Variants in COL24A1 observed in about 807,000 individuals in gnomAD.
COL24A1 encodes the protein collagen alpha-1(XXIV) chain.
Under a neutral mutation model 253.9 loss-of-function variants are expected in COL24A1, and 224 were observed. The observed-to-expected ratio is 0.88, with a 90% confidence interval of 0.79 to 0.99. The LOEUF is 0.99. Ranked by LOEUF, COL24A1 falls within the 50% of genes least tolerant of loss-of-function variation. The pLI, the probability that COL24A1 is intolerant of heterozygous loss-of-function variation, is 0.00. For synonymous variants in COL24A1, 685 were observed against 673.7 expected (o/e 1.02, Z -0.26); for missense variants, 2,131 against 2,068.5 (o/e 1.03, Z -0.59).
chr1:85,760,327 A>G (rs2101090540), intron 55 of COL24A1, among the ~76,000 whole-genome samples: 1 of 152,228 alleles, frequency 6.6e-6, no homozygotes, highest in South Asian at 2.1e-4. Context: ...TTACAGGTAC[A>G]AGCCACCATG....
Position 86,017,213 on chromosome 1 carries a change from G to T in COL24A1, c.2257-9C>A, listed in dbSNP as rs749245436. 114 of 1,550,466 alleles carry T rather than the reference G, an allele frequency of 7.4e-5. No homozygotes were observed. The highest frequency in any genetic ancestry group is 9.6e-5 in the Non-Finnish European group (111 of 1,159,462). On this transcript the variant is annotated splice_polypyrimidine_tract_variant and intron_variant, in intron 18 of 59. Transcript: ENST00000370571. ...GGGTCACCTGTTTGGCCCTAAAATG[G>T]GGGGGGAGGATCAAAGTATAAACAT...
At chr1:86,141,815 C>T (rs1482830410) in intron 2 of COL24A1, among the ~76,000 whole-genome samples, 2 of 151,938 alleles carry the variant, frequency 1.3e-5, no homozygotes, top group African/African-American at 4.8e-5. Context: ...GTTCTTCTGC[C>T]TTAGCCTCCC....
At chr1:85,910,719 A>C (rs1416217119) in intron 25 of COL24A1, among the ~76,000 whole-genome samples, 2 of 151,986 alleles carry the variant, frequency 1.3e-5, no homozygotes, top group Non-Finnish European at 2.9e-5. Flanking sequence ...GAGTTAGAAG[A>C]GATATTTAAA....
At chr1:85,846,723 C>A (rs1050019216) in intron 39 of COL24A1, among the ~76,000 whole-genome samples, 1 of 151,776 alleles carries the variant, frequency 6.6e-6, no homozygotes, top group Non-Finnish European at 1.5e-5. Context: ...TTTGATGAAA[C>A]CTCTTGGGAA....
chr1:85,789,852 T>C (rs2101652317), intron 47 of COL24A1, among the ~76,000 whole-genome samples: 1 of 152,318 alleles, frequency 6.6e-6, no homozygotes, highest in East Asian at 1.9e-4. Flanking sequence ...ATGAATTACA[T>C]TTATTGATTT....
chr1:85,889,693 A>G, intron 31 of COL24A1, 80 bp from the exon 32 acceptor site: 2 of 1,235,754 alleles, frequency 1.6e-6, no homozygotes, highest in Non-Finnish European at 2.3e-6. Flanking sequence ...TAGCTTTCCT[A>G]TGGATCCTTC....
chr1:85,903,061 G>A (rs1004758327), intron 28 of COL24A1, among the ~76,000 whole-genome samples: 1 of 84,526 alleles, frequency 1.2e-5, no homozygotes, highest in African/African-American at 3.8e-5. Flanking sequence ...AAAAAAGAAT[G>A]CTTCCTTAAA....
At chr1:85,941,224 T>C (rs1226989113) in intron 24 of COL24A1, among the ~76,000 whole-genome samples, 1 of 152,196 alleles carries the variant, frequency 6.6e-6, no homozygotes, top group Non-Finnish European at 1.5e-5. Flanking sequence ...TAGTTCTATA[T>C]TTCTTCCATG....
intron 19 of COL24A1, among the ~76,000 whole-genome samples, chr1:85,993,111 C>T (rs961030138): frequency 2.6e-5 from 4 of 151,914 alleles, no homozygotes; most frequent in African/African-American, 9.7e-5. Flanking sequence ...AACCGAAGCA[C>T]TAGCAGATTC....
At chr1:85,937,133 G>C (rs960869941) in intron 24 of COL24A1, among the ~76,000 whole-genome samples, 1 of 147,672 alleles carries the variant, frequency 6.8e-6, no homozygotes, top group African/African-American at 2.5e-5. Flanking sequence ...GAAGGAGAAA[G>C]CCCAAACTTG....
intron 7 of COL24A1, among the ~76,000 whole-genome samples, chr1:86,066,044 T>C (rs1225845529): frequency 6.6e-6 from 1 of 152,050 alleles, no homozygotes; most frequent in Non-Finnish European, 1.5e-5. Context: ...AGATAAGCAC[T>C]GGTAGAAAAG....
At chr1:86,035,584 GA>G (rs1698934511) in intron 12 of COL24A1, among the ~76,000 whole-genome samples, 1 of 152,098 alleles carries the variant, frequency 6.6e-6, no homozygotes, top group Non-Finnish European at 1.5e-5. Context: ...GGGAGGAATG[GA>G]AAGTGATTCC....
intron 39 of COL24A1, 62 bp from the exon 40 acceptor site, chr1:85,842,455 C>T: frequency 9.2e-7 from 1 of 1,083,358 alleles, no homozygotes; most frequent in African/African-American, 1.6e-5. Flanking sequence ...AATCATTAGA[C>T]TTCTACTCCT....
chr1:85,978,491 A>G (rs1410414198), intron 20 of COL24A1, among the ~76,000 whole-genome samples: 1 of 152,186 alleles, frequency 6.6e-6, no homozygotes, highest in Non-Finnish European at 1.5e-5. Flanking sequence ...CTAACACATA[A>G]GGACTCAAAT....
chr1:85,873,623 G>T (rs1680790798), intron 35 of COL24A1, among the ~76,000 whole-genome samples: 1 of 152,168 alleles, frequency 6.6e-6, no homozygotes, highest in Non-Finnish European at 1.5e-5. Context: ...TCACTTATAG[G>T]TGGGAAATAA....
At chr1:86,145,470 T>C (rs537862390) in intron 2 of COL24A1, among the ~76,000 whole-genome samples, 1 of 151,688 alleles carries the variant, frequency 6.6e-6, no homozygotes, top group Admixed American at 6.6e-5. Context: ...TTTTTTTCAC[T>C]TTGATGCTAC....
chr1:85,748,583 G>A (rs936613734), intron 55 of COL24A1, among the ~76,000 whole-genome samples: 5 of 151,178 alleles, frequency 3.3e-5, no homozygotes, highest in African/African-American at 7.3e-5. Context: ...CGTGAGCCAC[G>A]CAGAAGACGG....
intron 12 of COL24A1, among the ~76,000 whole-genome samples, chr1:86,035,516 T>C (rs1055068282): frequency 1.6e-4 from 24 of 152,068 alleles, no homozygotes; most frequent in Non-Finnish European, 3.2e-4. Flanking sequence ...ATGTCCAGAA[T>C]AGGCAAATCC....
intron 53 of COL24A1, among the ~76,000 whole-genome samples, chr1:85,765,265 A>C (rs1667238866): frequency 6.6e-6 from 1 of 152,134 alleles, no homozygotes; most frequent in African/African-American, 2.4e-5. Flanking sequence ...TGTCAATGGG[A>C]TGTTTCAATA....
Sources: allele counts gnomAD v4.1 joint callset (sites outside exome capture counted in the v4.1 genomes callset), GRCh38; gene constraint gnomAD v4.1.1; transcripts MANE v1.5; gene names NCBI Gene and HGNC (gene_info 2026-07-23, HGNC 2026-07-21).